KCNK2: variants seen among roughly 807,000 people sequenced by gnomAD.
KCNK2 encodes the protein potassium channel subfamily K member 2.
Under a neutral mutation model 40.5 loss-of-function variants are expected in KCNK2, and 21 were observed. The observed-to-expected ratio is 0.52, with a 90% CI of 0.37 to 0.75. The LOEUF (loss-of-function observed/expected upper bound fraction) is 0.75, where lower values mean the gene tolerates loss of function less well. Ranked by LOEUF, KCNK2 falls within the 30% of genes least tolerant of loss-of-function variation. KCNK2 has a pLI of 0.00. For synonymous variants in KCNK2, 191 were observed against 202.2 expected (o/e 0.94, Z 0.47); for missense variants, 399 against 531.6 (o/e 0.75, Z 2.45).
chr1:215,041,427 G>A (rs1571864725), intron 1 of KCNK2, among the ~76,000 whole-genome samples: 1 of 152,288 alleles, frequency 6.6e-6, no homozygotes, highest in South Asian at 2.1e-4. Flanking sequence ...TAAAAATCAA[G>A]TGTTGGTAAG....
At chr1:215,208,383 C>T (rs4233309) in intron 6 of KCNK2, among the ~76,000 whole-genome samples, 1 of 151,860 alleles carries the variant, frequency 6.6e-6, no homozygotes, top group Non-Finnish European at 1.5e-5. Flanking sequence ...GGGAGAGGAA[C>T]AGGAAGATAA....
At chr1:215,010,330 A>T (rs935728065) in intron 1 of KCNK2, among the ~76,000 whole-genome samples, 1 of 152,186 alleles carries the variant, frequency 6.6e-6, no homozygotes, top group Non-Finnish European at 1.5e-5. Flanking sequence ...TTTCATTTAA[A>T]AGCTTAACAT....
chr1:215,080,639 C>T (rs1461786358), upstream of KCNK2, among the ~76,000 whole-genome samples: 1 of 152,098 alleles, frequency 6.6e-6, no homozygotes, highest in South Asian at 2.1e-4. Flanking sequence ...TGGTTTATGC[C>T]CTCACTGAGC....
intron 1 of KCNK2, among the ~76,000 whole-genome samples, chr1:215,031,211 A>T (rs1374108945): frequency 6.6e-6 from 1 of 152,116 alleles, no homozygotes; most frequent in African/African-American, 2.4e-5. Context: ...TATGTTGGCT[A>T]TTCTAGGTCT....
intron 2 of KCNK2, among the ~76,000 whole-genome samples, chr1:215,093,358 T>C (rs1659776312): frequency 1.4e-5 from 2 of 141,022 alleles, no homozygotes; most frequent in South Asian, 2.1e-4. Context: ...ATATAAAATA[T>C]ACATATATTA....
chr1:215,062,086 G>C (rs1658380200), intron 1 of KCNK2, among the ~76,000 whole-genome samples: 1 of 152,022 alleles, frequency 6.6e-6, no homozygotes, highest in African/African-American at 2.4e-5. Flanking sequence ...TGATTATAAT[G>C]GTAACACTCT....
At chr1:215,025,398 T>C (rs917202057) in intron 1 of KCNK2, among the ~76,000 whole-genome samples, 8 of 152,084 alleles carry the variant, frequency 5.3e-5, no homozygotes, top group Non-Finnish European at 1.5e-5. Context: ...CTTTCCTTTT[T>C]CTGTTTCCTT....
chr1:215,022,359 G>A (rs1362988204), intron 1 of KCNK2, among the ~76,000 whole-genome samples: 6 of 152,200 alleles, frequency 3.9e-5, no homozygotes, highest in African/African-American at 1.2e-4. Flanking sequence ...ATCACTGGTT[G>A]TTGAGTCCTC....
At chr1:215,090,527 C>G (rs1002276315) in intron 2 of KCNK2, among the ~76,000 whole-genome samples, 1 of 152,068 alleles carries the variant, frequency 6.6e-6, no homozygotes, top group Non-Finnish European at 1.5e-5. Context: ...TAAACTGAAT[C>G]TTAATATTCT....
At chr1:215,142,228 C>A (rs1324136787) in intron 3 of KCNK2, among the ~76,000 whole-genome samples, 1 of 151,818 alleles carries the variant, frequency 6.6e-6, no homozygotes, top group Non-Finnish European at 1.5e-5. Context: ...GTTGGCTTTA[C>A]GTTTTATTCT....
intron 1 of KCNK2, among the ~76,000 whole-genome samples, chr1:215,041,247 A>T (rs908983005): frequency 1.3e-5 from 2 of 152,170 alleles, no homozygotes; most frequent in African/African-American, 4.8e-5. Flanking sequence ...TTTCTTCACT[A>T]AGCCTCAGTT....
chr1:215,123,768 A>G (rs1448986539), intron 2 of KCNK2, among the ~76,000 whole-genome samples: 1 of 152,308 alleles, frequency 6.6e-6, no homozygotes, highest in East Asian at 1.9e-4. Flanking sequence ...CTCCAAAGCT[A>G]TATTTCCAAC....
intron 2 of KCNK2, among the ~76,000 whole-genome samples, chr1:215,102,760 A>C (rs1660277271): frequency 6.6e-6 from 1 of 151,980 alleles, no homozygotes; most frequent in East Asian, 1.9e-4. Flanking sequence ...ACCATGTGTT[A>C]TAATTACCTA....
chr1:215,023,936 AGAG>A (rs1656902055), intron 1 of KCNK2, among the ~76,000 whole-genome samples: 2 of 152,206 alleles, frequency 1.3e-5, no homozygotes, highest in African/African-American at 2.4e-5. Context: ...AGGACACAAA[AGAG>A]GAGAAGGATG....
chr1:215,039,055 G>C (rs1052029648), intron 1 of KCNK2, among the ~76,000 whole-genome samples: 6 of 151,946 alleles, frequency 3.9e-5, no homozygotes, highest in Non-Finnish European at 7.4e-5. Flanking sequence ...GAAATGAAAA[G>C]GTGCCTACTA....
At chr1:215,201,827 G>T (rs1665091430) in intron 6 of KCNK2, among the ~76,000 whole-genome samples, 1 of 152,150 alleles carries the variant, frequency 6.6e-6, no homozygotes, top group Non-Finnish European at 1.5e-5. Context: ...TTTGATTGGA[G>T]ATCAGTTCTT....
chr1:215,144,933 A>G (rs1425330984), intron 3 of KCNK2, among the ~76,000 whole-genome samples: 1 of 152,200 alleles, frequency 6.6e-6, no homozygotes, highest in Non-Finnish European at 1.5e-5. Context: ...AGGAGAATGA[A>G]AGGTGAACAG....
chr1:215,103,872 TCC>T lies in KCNK2; in HGVS notation c.357+17197_357+17198del, dbSNP rs1558092616. Among the ~76,000 whole-genome samples, 32 of 152,168 alleles carry T rather than the reference TCC, an allele frequency of 2.1e-4. No homozygotes were observed. In the Middle Eastern group the frequency reaches 0.01, roughly 49 times the overall value. On this transcript the variant is annotated intron_variant, in intron 2 of 6. Coordinates refer to ENST00000444842, the MANE Select transcript of KCNK2 (RefSeq NM_001017425.3). ...GTGTCTGTTTTATTCCCTATCGTTT[TCC>T]CCTGATTCAGGATTAAATTGCTTCA...
At chr1:215,045,480 G>A (rs541153615) in intron 1 of KCNK2, among the ~76,000 whole-genome samples, 1 of 152,254 alleles carries the variant, frequency 6.6e-6, no homozygotes, top group East Asian at 1.9e-4. Flanking sequence ...CTGTAATCCT[G>A]CTTGTTGCTG....
Sources: gnomAD v4.1 joint callset for allele counts (sites outside exome capture counted in the v4.1 genomes callset) on GRCh38, gnomAD v4.1.1 for gene constraint, MANE v1.5 for transcripts, NCBI Gene and HGNC (gene_info 2026-07-23, HGNC 2026-07-21) for gene names.